RBM6: variants seen among roughly 807,000 people sequenced by gnomAD.
RBM6 encodes the protein RNA-binding protein 6.
In RBM6, 23 loss-of-function variants were observed where a neutral mutation model predicts 140.4. That is an observed-to-expected ratio of 0.16 (90% CI 0.12 to 0.23). The LOEUF is 0.23. RBM6 is among the 10% of genes least tolerant of loss of function. The pLI is 1.00. For synonymous variants in RBM6, 439 were observed against 475.6 expected (o/e 0.92, Z 1.00); for missense variants, 1,139 against 1,386.7 (o/e 0.82, Z 2.84).
chr3:49,988,787 T>C (rs1222883591), intron 5 of RBM6, among the ~76,000 whole-genome samples: 1 of 152,026 alleles, frequency 6.6e-6, no homozygotes, highest in African/African-American at 2.4e-5. Context: ...CTGGGCAACA[T>C]GGCAAAACCC....
chr3:50,048,329 A>G lies in RBM6; in HGVS notation c.1632+10A>G. On this transcript the variant is annotated intron_variant, in intron 7 of 20. Coordinates refer to ENST00000266022, the MANE Select transcript of RBM6 (RefSeq NM_005777.3). ...TTGGTACTGCAAACGAGTAAGTACC[A>G]AGAATCCCTTTCTTTAGAAGTAAGT... 6.2e-7 allele frequency: 1 copy of G among 1,610,416 alleles called. No individual in the cohort carries two copies. Among genetic ancestry groups the G allele is most frequent in the Non-Finnish European group, 8.5e-7 (1 of 1,178,010 alleles).
intron 6 of RBM6, among the ~76,000 whole-genome samples, chr3:50,011,728 A>G (rs934252572): frequency 2.0e-5 from 3 of 152,224 alleles, no homozygotes; most frequent in East Asian, 3.9e-4. Context: ...CATAAATTAT[A>G]TATCATAAAA....
chr3:50,076,316 C>T (rs903576708), intron 20 of RBM6, among the ~76,000 whole-genome samples: 1 of 149,950 alleles, frequency 6.7e-6, no homozygotes, highest in African/African-American at 2.4e-5. Context: ...GGCGCAGTGG[C>T]TTATGCTTGT....
chr3:50,000,892 C>G (rs574647312), intron 6 of RBM6, among the ~76,000 whole-genome samples: 10 of 152,190 alleles, frequency 6.6e-5, no homozygotes, highest in Non-Finnish European at 1.5e-4. Context: ...AGATGACATG[C>G]TCTAAATGCT....
intron 1 of RBM6, among the ~76,000 whole-genome samples, chr3:49,961,547 T>G (rs1029546322): frequency 2.3e-4 from 35 of 151,298 alleles, no homozygotes; most frequent in Non-Finnish European, 4.4e-4. Flanking sequence ...ACGCCTGTAA[T>G]CCCAGCACTT....
chr3:50,068,906 T>TTA, intron 18 of RBM6, 142 bp downstream of exon 18: 1 of 635,208 alleles, frequency 1.6e-6, no homozygotes. Flanking sequence ...ATTTGCCAAA[T>TTA]TATATAATAC....
At chr3:49,958,778 A>G (rs1429763372) in intron 1 of RBM6, among the ~76,000 whole-genome samples, 1 of 141,906 alleles carries the variant, frequency 7.0e-6, no homozygotes, top group Non-Finnish European at 1.5e-5. Context: ...ATTCTGAAGA[A>G]TTCCTTTTTT....
chr3:49,987,396 A>G (rs1260166329), intron 5 of RBM6, among the ~76,000 whole-genome samples: 6 of 150,476 alleles, frequency 4.0e-5, no homozygotes, highest in Admixed American at 4.0e-4. Flanking sequence ...GCTCATTGCA[A>G]CCTCCACCTC....
chr3:50,075,478 A>G, intron 20 of RBM6, 148 bp downstream of exon 20: 2 of 1,078,834 alleles, frequency 1.9e-6, no homozygotes, highest in Non-Finnish European at 2.6e-6. Flanking sequence ...TTAGCCTTGA[A>G]TACTGGGTTA....
intron 6 of RBM6, among the ~76,000 whole-genome samples, chr3:50,010,481 A>G (rs1427831536): frequency 6.6e-6 from 1 of 152,138 alleles, no homozygotes; most frequent in Non-Finnish European, 1.5e-5. Context: ...AGAATTAAAT[A>G]GTGAGGATGG....
chr3:50,041,212 T>C (rs1192856389), intron 6 of RBM6, among the ~76,000 whole-genome samples: 1 of 152,170 alleles, frequency 6.6e-6, no homozygotes, highest in Admixed American at 6.5e-5. Flanking sequence ...AACCTTACAT[T>C]GGACACTGAA....
chr3:49,963,701 T>G (rs1445529708), intron 2 of RBM6, among the ~76,000 whole-genome samples: 1 of 152,208 alleles, frequency 6.6e-6, no homozygotes, highest in South Asian at 2.1e-4. Context: ...GAATTAATTT[T>G]TTTATAGCTA....
rs1285676746 is a variant in RBM6 at position 50,062,100 on chromosome 3, G to A, written c.2578G>A (p.Val860Met). 8.1e-6 allele frequency: 13 copies of A among 1,613,000 alleles called. No individual in the cohort carries two copies. The highest frequency in any genetic ancestry group is 5.0e-5 in the Admixed American group (3 of 59,800). Residue 860 changes from valine to methionine, a missense_variant, in exon 15 of 21, where the codon GTG becomes ATG. By Grantham distance (21) the Val-to-Met change is conservative (BLOSUM62 1). This residue lies in a region of RBM6 where 163 missense variants were observed against 182.8 expected (regional missense o/e 0.89). Transcript: ENST00000266022. ...RDGKEKKDRG[V>M]TRFQENASEG... ...TGGCAAGGAGAAAAAAGACAGAGGA[G>A]TGACGAGGGTAAGAGGAATTGTTAA... is the stretch of plus-strand genomic sequence containing the variant.
At chr3:50,014,259 G>A (rs758543622) in intron 6 of RBM6, among the ~76,000 whole-genome samples, 3 of 152,194 alleles carry the variant, frequency 2.0e-5, no homozygotes, top group African/African-American at 4.8e-5. Context: ...TACCAGTCAC[G>A]AGCTTAGCCT....
chr3:50,063,600 A>C (rs1217327136), intron 15 of RBM6, among the ~76,000 whole-genome samples: 2 of 151,760 alleles, frequency 1.3e-5, no homozygotes, highest in Middle Eastern at 3.2e-3. Context: ...TGTCTCAAAA[A>C]AAAAAAAAAA....
chr3:50,029,549 A>T (rs1414482235), intron 6 of RBM6, among the ~76,000 whole-genome samples: 1 of 152,030 alleles, frequency 6.6e-6, no homozygotes, highest in African/African-American at 2.4e-5. Context: ...CCTAGCCAAT[A>T]TGGCGAAACC....
At chr3:50,032,077 C>A (rs1185991443) in intron 6 of RBM6, among the ~76,000 whole-genome samples, 1 of 152,174 alleles carries the variant, frequency 6.6e-6, no homozygotes, top group Non-Finnish European at 1.5e-5. Context: ...ACTTCAGCTT[C>A]AAGGAGGGCT....
intron 5 of RBM6, among the ~76,000 whole-genome samples, chr3:49,977,920 C>T (rs1157766353): frequency 1.3e-5 from 2 of 151,894 alleles, no homozygotes; most frequent in African/African-American, 4.8e-5. Flanking sequence ...AATTTGAGAT[C>T]AGCCTGAGCA....
chr3:50,054,712 C>T (rs2089632150), intron 8 of RBM6, among the ~76,000 whole-genome samples: 1 of 152,148 alleles, frequency 6.6e-6, no homozygotes, highest in African/African-American at 2.4e-5. Context: ...GACGGGGTTT[C>T]ACCATGTTGG....
Sources: gnomAD v4.1 joint callset for allele counts (sites outside exome capture counted in the v4.1 genomes callset) on GRCh38, gnomAD v4.1.1 for gene constraint, gnomAD v4.1.1 regional missense constraint, MANE v1.5 for transcripts, NCBI Gene and HGNC (gene_info 2026-07-23, HGNC 2026-07-21) for gene names.